Variants in DGKH observed in about 807,000 individuals in gnomAD.
DGKH encodes the protein diacylglycerol kinase eta.
In DGKH, 90 loss-of-function variants were observed where a neutral mutation model predicts 159.3. That is an observed-to-expected ratio of 0.57 (90% CI 0.48 to 0.67). DGKH has a LOEUF of 0.67. Among genes scored for constraint, DGKH ranks in the 30% least tolerant of loss-of-function variants. The pLI, the probability that DGKH is intolerant of heterozygous loss-of-function variation, is 0.00. For missense variants in DGKH, 1,181 were observed against 1,506.1 expected, an observed-to-expected ratio of 0.78 and a Z score of 3.57; for synonymous variants, 536 against 553.8, an observed-to-expected ratio of 0.97 and a Z score of 0.45.
At position 42,216,711 on chromosome 13, in the gene DGKH, C is replaced by G. The variant is rs1045184392; in HGVS notation, c.3213+1044C>G. 37 of 152,206 alleles carry G rather than the reference C, an allele frequency of 2.4e-4. 1 individual carries two copies. Among genetic ancestry groups the G allele is most frequent in the Admixed American group, 1.0e-3 (16 of 15,282 alleles). The allele number at this position is 152,206 out of a possible 1,614,324, so 9.4% of individuals were successfully genotyped here. On this transcript the variant is annotated intron_variant, in intron 26 of 29. Coordinates refer to ENST00000337343, the MANE Select transcript of DGKH (RefSeq NM_178009.5). ...CCAAAGGAAACTGAAACACAGCTTC[C>G]TTGGGACAAGAGGTGACTGGCTCTA...
At chr13:42,183,082 A>G (rs553279951) in intron 13 of DGKH, among the ~76,000 whole-genome samples, 1 of 152,316 alleles carries the variant, frequency 6.6e-6, no homozygotes, top group African/African-American at 2.4e-5. Context: ...TGAGCCCAGG[A>G]GTTCAAGACC....
intron 1 of DGKH, among the ~76,000 whole-genome samples, chr13:42,058,775 G>A (rs1881935538): frequency 6.6e-6 from 1 of 152,190 alleles, no homozygotes; most frequent in South Asian, 2.1e-4. Context: ...GGCCTCTCAA[G>A]CTGTGGGACT....
intron 3 of DGKH, among the ~76,000 whole-genome samples, chr13:42,152,782 T>G (rs1955942118): frequency 6.6e-6 from 1 of 151,978 alleles, no homozygotes; most frequent in South Asian, 2.1e-4. Context: ...GAGGGGACAG[T>G]TCCCTGGACT....
At chr13:42,076,036 C>T (rs906178180) in intron 1 of DGKH, among the ~76,000 whole-genome samples, 3 of 152,076 alleles carry the variant, frequency 2.0e-5, no homozygotes, top group Non-Finnish European at 2.9e-5. Context: ...GGGATTGTTG[C>T]GTGTAATCCT....
intron 1 of DGKH, among the ~76,000 whole-genome samples, chr13:42,055,324 G>A (rs766095073): frequency 3.2e-4 from 49 of 152,086 alleles, no homozygotes; most frequent in Non-Finnish European, 3.2e-4. Flanking sequence ...CTTGGTTTGC[G>A]TCTTTGCTTC....
At chr13:42,087,575 G>A (rs932052683) in intron 1 of DGKH, among the ~76,000 whole-genome samples, 3 of 152,014 alleles carry the variant, frequency 2.0e-5, no homozygotes, top group African/African-American at 7.2e-5. Context: ...GAACACAAGA[G>A]GATTCATAAA....
At chr13:42,057,586 C>T (rs893079502) in intron 1 of DGKH, among the ~76,000 whole-genome samples, 9 of 152,130 alleles carry the variant, frequency 5.9e-5, no homozygotes, top group African/African-American at 2.2e-4. Context: ...CATGCATCTT[C>T]CTGTGTGCTC....
At chr13:42,148,895 C>CACAG (rs1344148745) in intron 3 of DGKH, among the ~76,000 whole-genome samples, 2 of 151,406 alleles carry the variant, frequency 1.3e-5, no homozygotes, top group Admixed American at 1.3e-4. Context: ...CGCCGACATA[C>CACAG]ACAGGAAACC....
chr13:42,151,515 G>GCATATATATACACGTGTATATA (rs1955886883), intron 3 of DGKH, among the ~76,000 whole-genome samples: 1 of 100,898 alleles, frequency 9.9e-6, no homozygotes, highest in Admixed American at 1.1e-4. Context: ...GTATACACAT[G>GCATATATATACACGTGTATATA]TATATATATA....
chr13:42,155,310 G>A lies in DGKH; in HGVS notation c.404G>A (p.Arg135Lys). 1 of 1,609,212 alleles carries A rather than the reference G, an allele frequency of 6.2e-7. No individual in the cohort carries two copies. The change falls in exon 4 of 30, where the codon AGG becomes AAG. Residue 135 changes from arginine to lysine, a missense_variant. This residue lies in a region of DGKH where 369 missense variants were observed against 519.4 expected (regional missense o/e 0.71). Transcript: ENST00000337343. ...TTTCAGATCATCACTCCATTCAGAA[G>A]GCTAATGCTGTGTGCTGAGAACAGA... is the stretch of plus-strand genomic sequence containing the variant. ...NSFTIITPFR[R>K]LMLCAENRKE...
At chr13:42,049,011 G>T in intron 1 of DGKH, 46 bp downstream of exon 1, 1 of 1,208,226 alleles carries the variant, frequency 8.3e-7, no homozygotes. Flanking sequence ...AAAGCGGGAG[G>T]TGGAGAGGGC....
chr13:42,159,937 A>T (rs903120339), intron 6 of DGKH, 74 bp from the exon 7 acceptor site: 120 of 1,607,838 alleles, frequency 7.5e-5, no homozygotes, highest in Non-Finnish European at 9.9e-5. Context: ...GTGAGAAATG[A>T]TTCAAAATCT....
chr13:42,187,204 A>G (rs1010512328), intron 14 of DGKH, 56 bp downstream of exon 14: 5 of 1,426,626 alleles, frequency 3.5e-6, no homozygotes, highest in African/African-American at 2.8e-5. Context: ...CTCACATTCA[A>G]CTGTGTTTCA....
rs1958441581 is a variant in DGKH at position 42,237,498 on chromosome 13, C to T, written c.*8310C>T. 6.6e-6 allele frequency: 1 copy of T among 152,200 alleles called. No homozygotes were observed. Among genetic ancestry groups the T allele is most frequent in the Non-Finnish European group, 1.5e-5 (1 of 68,036 alleles). The allele number at this position is 152,200 out of a possible 1,614,324, so 9.4% of individuals were successfully genotyped here. Reference sequence around the variant, plus strand: ...AAGATTTGGGAACAAATAGTTTGAACATAGATTTCTTTCACCTTATATGAT... The same window carrying T: ...AAGATTTGGGAACAAATAGTTTGAATATAGATTTCTTTCACCTTATATGAT... On this transcript the variant is annotated 3_prime_UTR_variant, in exon 30 of 30. Coordinates refer to ENST00000337343, the MANE Select transcript of DGKH (RefSeq NM_178009.5).
At chr13:42,049,031 C>A (rs1593946647) in intron 1 of DGKH, 66 bp downstream of exon 1, 1 of 996,762 alleles carries the variant, frequency 1.0e-6, no homozygotes, top group East Asian at 1.2e-4. Flanking sequence ...CGCGGGGGCG[C>A]TGGAACGCGC....
chr13:42,155,704 A>G lies in DGKH; in HGVS notation c.527A>G (p.His176Arg). Reference protein sequence around the residue: ...QFNVEHFSGMHNWYACSHARP... With the variant: ...QFNVEHFSGMRNWYACSHARP... ...AATGTGGAACATTTCTCAGGGATGCACAACTGGTACGCCTGCTCCCACGCC... is the reference window on the plus strand; with the variant it reads ...AATGTGGAACATTTCTCAGGGATGCGCAACTGGTACGCCTGCTCCCACGCC... The change falls in exon 5 of 30, where the codon CAC becomes CGC. Residue 176 changes from histidine (H) to arginine (R), a missense_variant. His to Arg is a conservative substitution (Grantham distance 29). Coordinates refer to ENST00000337343, the MANE Select transcript of DGKH (RefSeq NM_178009.5). 6.2e-7 allele frequency: 1 copy of G among 1,614,174 alleles called. No homozygotes were observed. The highest frequency in any genetic ancestry group is 8.5e-7 in the Non-Finnish European group (1 of 1,180,026).
intron 12 of DGKH, among the ~76,000 whole-genome samples, chr13:42,176,178 T>G (rs189921536): frequency 2.6e-5 from 4 of 152,326 alleles, no homozygotes; most frequent in Admixed American, 1.3e-4. Context: ...CTTGGATTTT[T>G]TGAATGTAAG....
intron 1 of DGKH, among the ~76,000 whole-genome samples, chr13:42,061,889 G>A (rs974505566): frequency 2.6e-5 from 4 of 152,016 alleles, no homozygotes; most frequent in Admixed American, 6.6e-5. Flanking sequence ...GTTAATTAAC[G>A]TATACACAGA....
At chr13:42,077,429 C>T (rs1954120899) in intron 1 of DGKH, among the ~76,000 whole-genome samples, 2 of 152,076 alleles carry the variant, frequency 1.3e-5, no homozygotes, top group African/African-American at 4.8e-5. Context: ...TGAAGCTTTA[C>T]TATTGATTAT....
Sources: allele counts gnomAD v4.1 joint callset (sites outside exome capture counted in the v4.1 genomes callset), GRCh38; gene constraint gnomAD v4.1.1; regional missense constraint gnomAD v4.1.1; transcripts MANE v1.5; gene names NCBI Gene and HGNC (gene_info 2026-07-23, HGNC 2026-07-21).